The following TBC1D30 variants were observed in gnomAD, a reference collection of about 807,000 sequenced individuals.
The protein encoded by TBC1D30 is TBC1 domain family member 30, also known as TBC1 domain family, member 30.
In TBC1D30, 31 loss-of-function variants were observed where a neutral mutation model predicts 63.2. That is an observed-to-expected ratio of 0.49 (90% CI 0.37 to 0.66). The LOEUF (loss-of-function observed/expected upper bound fraction) is 0.66, where lower values mean the gene tolerates loss of function less well. TBC1D30 is among the 30% of genes least tolerant of loss of function. The pLI is 0.00. For synonymous variants in TBC1D30, 307 were observed against 361.5 expected (o/e 0.85, Z 1.71); for missense variants, 810 against 953.6 (o/e 0.85, Z 1.98).
intron 5 of TBC1D30, among the ~76,000 whole-genome samples, chr12:64,833,324 A>G (rs576960487): frequency 6.6e-6 from 1 of 152,306 alleles, no homozygotes; most frequent in African/African-American, 2.4e-5. Context: ...TAGTGATTTA[A>G]GCTTAGTTTG....
At chr12:64,759,489 G>C in exon 1 of TBC1D30, 1 of 525,750 alleles carries the variant, frequency 1.9e-6, no homozygotes, top group Non-Finnish European at 3.3e-6. Context: ...GGCGTGGGCG[G>C]GGCTGCGGAC....
intron 1 of TBC1D30, among the ~76,000 whole-genome samples, chr12:64,762,670 A>G (rs190631331): frequency 1.3e-5 from 2 of 152,354 alleles, no homozygotes; most frequent in Non-Finnish European, 2.9e-5. Flanking sequence ...ATTTTTATTA[A>G]GTAACTGCCA....
intron 8 of TBC1D30, among the ~76,000 whole-genome samples, chr12:64,861,140 C>T (rs1296394877): frequency 1.3e-5 from 2 of 152,158 alleles, no homozygotes; most frequent in African/African-American, 4.8e-5. Flanking sequence ...GAGTAGCATC[C>T]CTCCTGTCGA....
intron 3 of TBC1D30, 81 bp downstream of exon 3, chr12:64,828,590 T>G: frequency 1.1e-6 from 1 of 925,766 alleles, no homozygotes; most frequent in South Asian, 1.5e-5. Flanking sequence ...AAAAAATATA[T>G]TCTAGGTTTA....
intron 4 of TBC1D30, 63 bp from the exon 5 acceptor site, chr12:64,832,056 A>AT: frequency 7.3e-7 from 1 of 1,372,130 alleles, no homozygotes; most frequent in Non-Finnish European, 9.6e-7. Context: ...CAAAAAAAAA[A>AT]GGTATTGTTT....
In TBC1D30 at chr12:64,858,903, C is replaced by T. The variant is rs369170626; in HGVS notation, c.1039-5765C>T. ...CTGGGGGCTGAGGAAGAGAGAAGACCTCATCTAGCCTGAGGGGCAGGGGTG... is the reference window on the plus strand; with the variant it reads ...CTGGGGGCTGAGGAAGAGAGAAGACTTCATCTAGCCTGAGGGGCAGGGGTG... On this transcript the variant is annotated intron_variant, in intron 8 of 11. Transcript: ENST00000539867. Among the ~76,000 whole-genome samples the T allele has an allele frequency of 3.9e-5, 6 of 151,968 alleles. No homozygotes were observed. In the East Asian group the frequency reaches 5.8e-4, roughly 15 times the overall value.
intron 8 of TBC1D30, among the ~76,000 whole-genome samples, chr12:64,863,460 A>C (rs997684311): frequency 2.0e-5 from 3 of 152,320 alleles, no homozygotes; most frequent in African/African-American, 7.2e-5. Context: ...GGGTATAATC[A>C]AGTCTGGAGT....
intron 1 of TBC1D30, among the ~76,000 whole-genome samples, chr12:64,760,830 A>C (rs1565631463): frequency 6.5e-5 from 2 of 30,632 alleles, no homozygotes; most frequent in South Asian, 2.0e-3. Context: ...GGGCTTATGC[A>C]AAAAAAAAAA....
intron 4 of TBC1D30, among the ~76,000 whole-genome samples, chr12:64,830,970 T>C (rs972425754): frequency 2.2e-4 from 33 of 152,188 alleles, no homozygotes; most frequent in African/African-American, 7.5e-4. Context: ...AAGCCAGCTG[T>C]GTAGGCAGTT....
At chr12:64,818,220 G>C (rs910577099) in intron 2 of TBC1D30, among the ~76,000 whole-genome samples, 11 of 152,274 alleles carry the variant, frequency 7.2e-5, no homozygotes, top group African/African-American at 2.2e-4. Flanking sequence ...GAGCTGAATA[G>C]CACAACTGTA....
At chr12:64,860,014 C>CT (rs1324286068) in intron 8 of TBC1D30, among the ~76,000 whole-genome samples, 223 of 149,736 alleles carry the variant, frequency 1.5e-3, no homozygotes, top group African/African-American at 5.2e-3. Context: ...AAAGATTCTT[C>CT]TTCTTTTTTT....
At chr12:64,869,752 TCTC>T (rs1429462419) in intron 10 of TBC1D30, among the ~76,000 whole-genome samples, 1 of 152,168 alleles carries the variant, frequency 6.6e-6, no homozygotes. Flanking sequence ...TTAATTTTCT[TCTC>T]CTTACAGAAA....
intron 2 of TBC1D30, among the ~76,000 whole-genome samples, chr12:64,796,659 C>A: frequency 6.6e-6 from 1 of 152,170 alleles, no homozygotes; most frequent in East Asian, 1.9e-4. Flanking sequence ...GGATATTTTG[C>A]AATTTATAGT....
At chr12:64,783,911 G>A (rs1325788729) in intron 1 of TBC1D30, among the ~76,000 whole-genome samples, 3 of 35,632 alleles carry the variant, frequency 8.4e-5, no homozygotes, top group Non-Finnish European at 1.8e-4. Context: ...GCCTGCCTCG[G>A]CCCCCTGAAG....
rs1175106852 is a variant in TBC1D30, at chr12:64,824,926, G to C, written c.47G>C (p.Cys16Ser). The C allele has an allele frequency of 1.3e-6, 2 of 1,534,614 alleles. No homozygotes were observed. The highest frequency in any genetic ancestry group is 1.7e-6 in the Non-Finnish European group (2 of 1,146,584). Reference protein sequence around the residue: ...LTGSLRRGGRCLKRQGGGVGT... With the variant: ...LTGSLRRGGRSLKRQGGGVGT... ...GGGTCTCTGAGGCGCGGGGGGAGATGCCTGAAGCGGCAGGGCGGCGGCGTG... is the reference window on the plus strand; with the variant it reads ...GGGTCTCTGAGGCGCGGGGGGAGATCCCTGAAGCGGCAGGGCGGCGGCGTG... The change falls in exon 1 of 12, where the codon TGC (cysteine) becomes TCC (serine). Residue 16 changes from cysteine (C) to serine (S), a missense_variant. Physicochemically the swap from Cys to Ser is moderately radical, Grantham distance 112. Transcript: ENST00000539867.
intron 1 of TBC1D30, among the ~76,000 whole-genome samples, chr12:64,770,870 A>AT (rs59632344): frequency 0.015 from 2,061 of 138,156 alleles, 26 homozygotes; most frequent in African/African-American, 0.045. Flanking sequence ...CACCCAGCTA[A>AT]TTTTTTTTTT....
At chr12:64,854,219 AT>A (rs1420861714) in intron 8 of TBC1D30, among the ~76,000 whole-genome samples, 2 of 151,034 alleles carry the variant, frequency 1.3e-5, no homozygotes, top group African/African-American at 4.9e-5. Flanking sequence ...GTGTGCTTTA[AT>A]TTCTTGCTTT....
intron 8 of TBC1D30, among the ~76,000 whole-genome samples, chr12:64,855,652 T>C (rs1877238824): frequency 6.6e-6 from 1 of 152,232 alleles, no homozygotes; most frequent in African/African-American, 2.4e-5. Flanking sequence ...ATTTTTCAAG[T>C]CCATAATTTC....
chr12:64,803,085 A>G (rs915586730), intron 2 of TBC1D30, among the ~76,000 whole-genome samples: 1 of 152,204 alleles, frequency 6.6e-6, no homozygotes, highest in African/African-American at 2.4e-5. Context: ...GACTTCCACA[A>G]TGGTTGAACT....
Sources: allele counts gnomAD v4.1 joint callset (sites outside exome capture counted in the v4.1 genomes callset), GRCh38; gene constraint gnomAD v4.1.1; transcripts MANE v1.5; gene names NCBI Gene and HGNC (gene_info 2026-07-23, HGNC 2026-07-21).